DAPK1: variants seen among roughly 807,000 people sequenced by gnomAD.
DAPK1 encodes the protein death associated protein kinase 1, also known as death-associated protein kinase 1.
In DAPK1, 56 loss-of-function variants were observed where a neutral mutation model predicts 144.9. That is an observed-to-expected ratio of 0.39 (90% CI 0.31 to 0.48). DAPK1 has a LOEUF of 0.48. Ranked by LOEUF, DAPK1 falls within the 20% of genes least tolerant of loss-of-function variation. The pLI, the probability that DAPK1 is intolerant of heterozygous loss-of-function variation, is 0.95. For synonymous variants in DAPK1, 690 were observed against 749.0 expected (o/e 0.92, Z 1.29); for missense variants, 1,454 against 1,875.4 (o/e 0.78, Z 4.15).
At chr9:87,554,050 C>T (rs1387167544) in intron 2 of DAPK1, 1 of 148,120 alleles carries the variant, frequency 6.8e-6, no homozygotes, top group African/African-American at 2.5e-5. Flanking sequence ...ATGTGCTCCC[C>T]TTTTCAGAAA....
chr9:87,698,159 T>C (rs1243492535), intron 22 of DAPK1, among the ~76,000 whole-genome samples: 1 of 152,248 alleles, frequency 6.6e-6, no homozygotes, highest in Non-Finnish European at 1.5e-5. Flanking sequence ...GAGTTGGGCT[T>C]AATGCCCCTC....
chr9:87,643,414 C>T lies in DAPK1; in HGVS notation c.957C>T (p.Ser319=). Residue 319 remains serine, a synonymous_variant, in exon 11 of 26, where the codon TCC becomes TCT. Coordinates refer to ENST00000408954, the MANE Select transcript of DAPK1 (RefSeq NM_004938.4). ...VRLISLCQRL[S]RSFLSRSNMS... The stretch of plus-strand genomic sequence containing the variant: ...TGATATCACTGTGCCAAAGATTATC[C>T]AGGTCATTCCTGTCCAGAAGTAACA... 3.1e-6 allele frequency: 5 copies of T among 1,602,488 alleles called. No homozygotes were observed. The highest frequency in any genetic ancestry group is 4.3e-6 in the Non-Finnish European group (5 of 1,175,864).
intron 14 of DAPK1, 165 bp from the exon 15 acceptor site, chr9:87,648,615 TC>T: frequency 1.6e-6 from 1 of 608,568 alleles, no homozygotes; most frequent in Non-Finnish European, 3.0e-6. Context: ...CACCCCAACC[TC>T]AGGTCCCCAT....
Position 87,706,052 on chromosome 9 carries a change from G to C in DAPK1, c.3061-80G>C. The stretch of plus-strand genomic sequence containing the variant: ...TGCTCAGCCTCTGTTGCCGGCATCA[G>C]GCCCTTTAGTGCTCTAAGTGGCTGG... On this transcript the variant is annotated intron_variant, in intron 25 of 25. Transcript: ENST00000408954. This position sits in a 1 kb window ranked among gnomAD's most constrained non-coding sequence, Gnocchi z 9.0. 1 of 1,025,188 alleles carries C rather than the reference G, an allele frequency of 9.8e-7. No homozygotes were observed. The highest frequency in any genetic ancestry group is 1.5e-5 in the South Asian group (1 of 67,248). The allele number at this position is 1,025,188 out of a possible 1,614,324, so 63.5% of individuals were successfully genotyped here. A position where few individuals can be genotyped will look rare whatever the true frequency, so the allele number is the denominator to read the frequency against.
At chr9:87,604,860 C>T in intron 2 of DAPK1, 94 bp from the exon 3 acceptor site, 4 of 1,109,486 alleles carry the variant, frequency 3.6e-6, no homozygotes, top group Non-Finnish European at 3.9e-6. Flanking sequence ...TTCCTATTCA[C>T]AGTTCTCTTG....
At chr9:87,653,727 C>T (rs1243673164) in intron 17 of DAPK1, among the ~76,000 whole-genome samples, 1 of 151,576 alleles carries the variant, frequency 6.6e-6, no homozygotes, top group Non-Finnish European at 1.5e-5. Flanking sequence ...GAGTCTCACT[C>T]TTGTCACCTG....
At chr9:87,497,776 G>C, upstream of DAPK1, 1 of 347,288 alleles carries the variant, frequency 2.9e-6, no homozygotes, top group Non-Finnish European at 5.2e-6. Context: ...CTCGGAGGTG[G>C]GTGGGCCGCG....
intron 19 of DAPK1, among the ~76,000 whole-genome samples, chr9:87,670,589 A>G (rs1348872961): frequency 4.6e-5 from 7 of 152,142 alleles, no homozygotes; most frequent in Admixed American, 4.6e-4. Context: ...ACCCACCTGC[A>G]GCACCTGGCA....
chr9:87,538,340 A>T (rs368174910), intron 2 of DAPK1, among the ~76,000 whole-genome samples: 2 of 152,076 alleles, frequency 1.3e-5, no homozygotes, highest in African/African-American at 4.8e-5. Flanking sequence ...CAAAAATTCC[A>T]CTCCCAAAGA....
At chr9:87,639,077 C>G (rs993830776) in intron 4 of DAPK1, among the ~76,000 whole-genome samples, 1 of 152,188 alleles carries the variant, frequency 6.6e-6, no homozygotes, top group African/African-American at 2.4e-5. Flanking sequence ...TAGGACACCT[C>G]GTAGCAGCTT....
chr9:87,538,788 A>G (rs919922802), intron 2 of DAPK1, among the ~76,000 whole-genome samples: 1 of 152,088 alleles, frequency 6.6e-6, no homozygotes, highest in African/African-American at 2.4e-5. Flanking sequence ...TAAATTACAA[A>G]ACCATAATGA....
intron 21 of DAPK1, among the ~76,000 whole-genome samples, chr9:87,693,021 T>A (rs1825129215): frequency 6.9e-6 from 1 of 144,604 alleles, no homozygotes; most frequent in South Asian, 2.2e-4. Context: ...TGTCTTTGAC[T>A]TTTGACAATT....
chr9:87,689,523 A>G (rs1252283069), intron 21 of DAPK1, among the ~76,000 whole-genome samples: 1 of 151,972 alleles, frequency 6.6e-6, no homozygotes. Flanking sequence ...AGTTTAATAC[A>G]CTCTAAGTTG....
At chr9:87,587,392 A>G (rs1368136378) in intron 2 of DAPK1, among the ~76,000 whole-genome samples, 2 of 152,214 alleles carry the variant, frequency 1.3e-5, no homozygotes, top group Non-Finnish European at 2.9e-5. Flanking sequence ...CTGGTCTTGC[A>G]TGATCAGAGC....
intron 2 of DAPK1, among the ~76,000 whole-genome samples, chr9:87,589,024 G>T (rs1463318588): frequency 6.7e-6 from 1 of 150,154 alleles, no homozygotes; most frequent in Non-Finnish European, 1.5e-5. Context: ...AAGTAGCTGG[G>T]ATTACAGGCA....
chr9:87,642,131 C>T, intron 10 of DAPK1, 73 bp downstream of exon 10: 1 of 1,171,318 alleles, frequency 8.5e-7, no homozygotes, highest in South Asian at 1.3e-5. Flanking sequence ...CAGGGTGCAT[C>T]TCCTCTGATA....
In DAPK1 at chr9:87,681,638, C is replaced by T; in HGVS notation, c.2224+12C>T. On this transcript the variant is annotated intron_variant, in intron 20 of 25. Transcript: ENST00000408954. ...TTCTAAGCCCACAGGTAGGAACCTCCATGCTGGCCCCGTCTCTCCAGCAGG... is the reference window on the plus strand; with the variant it reads ...TTCTAAGCCCACAGGTAGGAACCTCTATGCTGGCCCCGTCTCTCCAGCAGG... 7.5e-7 allele frequency: 1 copy of T among 1,332,950 alleles called. No homozygotes were observed. The highest frequency in any genetic ancestry group is 1.1e-6 in the Non-Finnish European group (1 of 924,060). 82.6% of individuals were successfully genotyped at this position (1,332,950 alleles called of 1,614,324 possible). A position where few individuals can be genotyped will look rare whatever the true frequency, so the allele number is the denominator to read the frequency against.
rs1824309706 is a variant in DAPK1 at position 87,499,295 on chromosome 9, A to G, written c.62+156A>G. 8.7e-6 allele frequency: 6 copies of G among 690,280 alleles called. No homozygotes were observed. The East Asian group carries it at 1.6e-4, about 19-fold the overall frequency. 42.8% of individuals were successfully genotyped at this position (690,280 alleles called of 1,614,324 possible). ...AGAAAAGAGTTACTAACCCAGCGGT[A>G]AACCGCCTGATCCAAGGGCCTGGGG... On this transcript the variant is annotated intron_variant, in intron 2 of 25. Transcript: ENST00000408954.
intron 3 of DAPK1, among the ~76,000 whole-genome samples, chr9:87,606,973 T>TC (rs142489198): frequency 6.6e-6 from 1 of 151,456 alleles, no homozygotes; most frequent in East Asian, 2.0e-4. Flanking sequence ...GTAGCACTCT[T>TC]CCCCCATGTT....
Sources: allele counts gnomAD v4.1 joint callset (sites outside exome capture counted in the v4.1 genomes callset), GRCh38; gene constraint gnomAD v4.1.1; non-coding constraint Gnocchi (gnomAD v3.1); transcripts MANE v1.5; gene names NCBI Gene and HGNC (gene_info 2026-07-23, HGNC 2026-07-21).